Variants in RBFOX1 observed in about 807,000 individuals in gnomAD.
RBFOX1 encodes the protein RNA binding fox-1 homolog 1.
RBFOX1 carries 8 observed loss-of-function variants against 57.7 expected under a neutral mutation model. That is an observed-to-expected ratio of 0.14 (90% CI 0.08 to 0.25). The LOEUF (loss-of-function observed/expected upper bound fraction) is 0.25. Ranked by LOEUF, RBFOX1 falls within the 10% of genes least tolerant of loss-of-function variation. The pLI, the probability that RBFOX1 is intolerant of heterozygous loss-of-function variation, is 1.00. For synonymous variants in RBFOX1, 326 were observed against 222.4 expected, an observed-to-expected ratio of 1.47 and a Z score of -4.15; for missense variants, 611 against 548.5, an observed-to-expected ratio of 1.11 and a Z score of -1.14.
chr16:7,350,933 C>T (rs773201329), intron 4 of RBFOX1, among the ~76,000 whole-genome samples: 1 of 152,194 alleles, frequency 6.6e-6, no homozygotes, highest in Non-Finnish European at 1.5e-5. Context: ...GGGTTACATG[C>T]AAACCTGCCT....
chr16:6,665,832 A>G (rs977846303), intron 3 of RBFOX1, among the ~76,000 whole-genome samples: 8 of 152,180 alleles, frequency 5.3e-5, no homozygotes, highest in Admixed American at 4.6e-4. Flanking sequence ...TACAATATTT[A>G]TCCCCATGTT....
At chr16:6,749,903 C>T (rs545206456) in intron 3 of RBFOX1, among the ~76,000 whole-genome samples, 13 of 152,270 alleles carry the variant, frequency 8.5e-5, no homozygotes, top group Non-Finnish European at 1.6e-4. Flanking sequence ...TCTACATCCT[C>T]AGAATACAAT....
chr16:5,316,692 C>T (rs2064247721), intron 1 of RBFOX1, among the ~76,000 whole-genome samples: 1 of 152,190 alleles, frequency 6.6e-6, no homozygotes, highest in Admixed American at 6.5e-5. Flanking sequence ...GCTGGTGAAG[C>T]ACTTTGTATT....
chr16:6,940,859 G>GTT (rs1282284170), intron 3 of RBFOX1, among the ~76,000 whole-genome samples: 2 of 95,696 alleles, frequency 2.1e-5, no homozygotes, highest in African/African-American at 1.1e-4. Context: ...GTCTGTGTGT[G>GTT]TGTGTGTGTG....
At chr16:5,846,437 G>C (rs1165708994) in intron 3 of RBFOX1, among the ~76,000 whole-genome samples, 1 of 152,164 alleles carries the variant, frequency 6.6e-6, no homozygotes, top group Non-Finnish European at 1.5e-5. Context: ...GTCTCTGTGT[G>C]ATTATTCGAC....
intron 14 of RBFOX1, among the ~76,000 whole-genome samples, chr16:7,708,557 A>G (rs989023767): frequency 2.0e-5 from 3 of 152,314 alleles, no homozygotes; most frequent in Admixed American, 6.5e-5. Context: ...ATTCAAATAT[A>G]CTTGTTCCTT....
intron 1 of RBFOX1, among the ~76,000 whole-genome samples, chr16:6,098,987 T>G (rs1176201952): frequency 6.6e-6 from 1 of 152,200 alleles, no homozygotes; most frequent in Non-Finnish European, 1.5e-5. Context: ...TAATTCATGA[T>G]TCATATCAAC....
At chr16:6,372,947 A>C (rs1402966387) in intron 2 of RBFOX1, among the ~76,000 whole-genome samples, 1 of 145,668 alleles carries the variant, frequency 6.9e-6, no homozygotes, top group Admixed American at 6.8e-5. Flanking sequence ...ATTGTTGTGT[A>C]GAATGGAGAT....
At chr16:5,499,598 A>C (rs922553162) in intron 2 of RBFOX1, among the ~76,000 whole-genome samples, 5 of 150,572 alleles carry the variant, frequency 3.3e-5, no homozygotes, top group Non-Finnish European at 7.4e-5. Context: ...TTTGAGGCTG[A>C]GTCTCGCTGT....
intron 4 of RBFOX1, among the ~76,000 whole-genome samples, chr16:7,137,697 C>A (rs748426131): frequency 1.2e-4 from 18 of 152,230 alleles, no homozygotes; most frequent in African/African-American, 4.1e-4. Context: ...AAGCCTGATA[C>A]GTGACAACAG....
At chr16:7,130,444 C>T (rs1393629253) in intron 4 of RBFOX1, among the ~76,000 whole-genome samples, 4 of 152,258 alleles carry the variant, frequency 2.6e-5, no homozygotes, top group African/African-American at 7.2e-5. Context: ...TTTTGTGAAC[C>T]ACATCCTTTT....
At chr16:7,502,372 C>T (rs1025559565) in intron 4 of RBFOX1, among the ~76,000 whole-genome samples, 2 of 152,136 alleles carry the variant, frequency 1.3e-5, no homozygotes, top group African/African-American at 2.4e-5. Context: ...GTAAGAAAAT[C>T]GAATAATTAA....
intron 1 of RBFOX1, among the ~76,000 whole-genome samples, chr16:5,358,540 T>C (rs149076616): frequency 6.6e-6 from 1 of 152,316 alleles, no homozygotes; most frequent in Non-Finnish European, 1.5e-5. Context: ...ATTTATCCTT[T>C]GTGTTGCAAA....
chr16:6,830,167 T>A (rs1362747388), intron 3 of RBFOX1, among the ~76,000 whole-genome samples: 1 of 152,162 alleles, frequency 6.6e-6, no homozygotes, highest in Non-Finnish European at 1.5e-5. Flanking sequence ...TCTGCCCACC[T>A]AAGCCTCCCA....
intron 3 of RBFOX1, among the ~76,000 whole-genome samples, chr16:6,714,080 G>A (rs568306427): frequency 1.9e-4 from 29 of 152,290 alleles, no homozygotes; most frequent in African/African-American, 6.0e-4. Flanking sequence ...TGCCATTCTT[G>A]TGATAGTAAG....
chr16:7,051,830 C>G (rs1284524579), intron 3 of RBFOX1, among the ~76,000 whole-genome samples: 1 of 152,166 alleles, frequency 6.6e-6, no homozygotes, highest in Admixed American at 6.5e-5. Flanking sequence ...CACGTCTCTC[C>G]TCTTCCCCTT....
intron 3 of RBFOX1, among the ~76,000 whole-genome samples, chr16:6,738,555 T>A (rs1455680160): frequency 6.6e-6 from 1 of 152,094 alleles, no homozygotes; most frequent in East Asian, 1.9e-4. Context: ...AACCTCAACA[T>A]CCATCTCGCA....
intron 4 of RBFOX1, among the ~76,000 whole-genome samples, chr16:7,508,056 G>C (rs1295736773): frequency 6.6e-6 from 1 of 151,682 alleles, no homozygotes; most frequent in Non-Finnish European, 1.5e-5. Flanking sequence ...ATGCAATCTT[G>C]GATCACTGCA....
chr16:7,210,113 C>G (rs1420783583), intron 4 of RBFOX1, among the ~76,000 whole-genome samples: 1 of 152,162 alleles, frequency 6.6e-6, no homozygotes, highest in Non-Finnish European at 1.5e-5. Context: ...TGCTTGTCAA[C>G]CTGCCCTGCA....
Sources: gnomAD v4.1 joint callset for allele counts (sites outside exome capture counted in the v4.1 genomes callset) on GRCh38, gnomAD v4.1.1 for gene constraint, MANE v1.5 for transcripts, NCBI Gene and HGNC (gene_info 2026-07-23, HGNC 2026-07-21) for gene names.